The following NUP88 variants were observed in gnomAD, a reference collection of about 807,000 sequenced individuals.
The protein encoded by NUP88 is nuclear pore complex protein Nup88.
Under a neutral mutation model 93.9 loss-of-function variants are expected in NUP88, and 57 were observed. The ratio of observed to expected loss-of-function variants is 0.61; its 90% CI spans 0.49 to 0.76. The LOEUF is 0.76. NUP88 is among the 30% of genes least tolerant of loss of function. The pLI is 0.00. For missense variants in NUP88, 911 were observed against 901.0 expected (o/e 1.01, Z -0.14); for synonymous variants, 346 against 336.8 (o/e 1.03, Z -0.30).
At chr17:5,413,349 CATT>C (rs1913951611) in intron 3 of NUP88, among the ~76,000 whole-genome samples, 1 of 152,198 alleles carries the variant, frequency 6.6e-6, no homozygotes, top group African/African-American at 2.4e-5. Flanking sequence ...TATAAGACAT[CATT>C]AAGGGGTGAG....
At chr17:5,405,036 A>G in intron 6 of NUP88, 21 bp downstream of exon 6, 1 of 1,606,558 alleles carries the variant, frequency 6.2e-7, no homozygotes, top group East Asian at 2.2e-5. Flanking sequence ...GATACAAACA[A>G]CCACAGCAGC....
chr17:5,405,258 AAAAC>A lies in NUP88; in HGVS notation c.858-19_858-16del, dbSNP rs765559159. 1 of 1,606,208 alleles carries A rather than the reference AAAAC, an allele frequency of 6.2e-7. No individual in the cohort carries two copies. The highest frequency in any genetic ancestry group is 2.2e-5 in the East Asian group (1 of 44,686). On this transcript the variant is annotated splice_polypyrimidine_tract_variant and intron_variant, in intron 5 of 16. Transcript: ENST00000573584. Reference sequence around the variant, plus strand: ...TATTTCCAGGGCTAAAGAAGGAGTAAAAACATATTTGGGAAATGTTGACAGTATG... The same window carrying A: ...TATTTCCAGGGCTAAAGAAGGAGTAAATATTTGGGAAATGTTGACAGTATG...
chr17:5,390,869 G>C (rs1020460697), intron 10 of NUP88, among the ~76,000 whole-genome samples: 1 of 151,872 alleles, frequency 6.6e-6, no homozygotes, highest in Non-Finnish European at 1.5e-5. Flanking sequence ...TAATTTTTTT[G>C]TTTTTTGTAG....
intron 7 of NUP88, 29 bp from the exon 8 acceptor site, chr17:5,399,679 G>T: frequency 8.1e-7 from 1 of 1,239,350 alleles, no homozygotes; most frequent in Non-Finnish European, 1.2e-6. Context: ...ATGATACAAA[G>T]GTAGCCAGTG....
intron 10 of NUP88, among the ~76,000 whole-genome samples, chr17:5,389,762 C>G (rs891784867): frequency 3.6e-4 from 39 of 108,214 alleles, no homozygotes; most frequent in Non-Finnish European, 1.0e-4. Flanking sequence ...GGTGACAGAG[C>G]AAGACTCTGT....
At chr17:5,395,006 T>G in intron 8 of NUP88, 25 bp from the exon 9 acceptor site, 1 of 1,341,586 alleles carries the variant, frequency 7.5e-7, no homozygotes, top group East Asian at 2.3e-5. Flanking sequence ...ATTACATAAA[T>G]GAAATGATGC....
rs538425991 is a variant in NUP88 at position 5,412,483 on chromosome 17, G to A, written c.593+1526C>T. Among the ~76,000 whole-genome samples, 21 of 152,248 alleles carry A rather than the reference G, an allele frequency of 1.4e-4. No homozygotes were observed. The South Asian group carries it at 2.5e-3, about 18-fold the overall frequency. On this transcript the variant is annotated intron_variant, in intron 3 of 16. Coordinates refer to ENST00000573584, the MANE Select transcript of NUP88 (RefSeq NM_002532.6). ...CGTATCACGTTCAGTACTATCTACAGTTTCAGGCATTCACTGGGGGGTCTT... is the reference window on the plus strand; with the variant it reads ...CGTATCACGTTCAGTACTATCTACAATTTCAGGCATTCACTGGGGGGTCTT...
At chr17:5,389,015 A>G in intron 10 of NUP88, 55 bp from the exon 11 acceptor site, 2 of 1,342,226 alleles carry the variant, frequency 1.5e-6, no homozygotes. Context: ...ACTGTATTAC[A>G]GGAAAGCAGA....
At chr17:5,394,656 G>C (rs551362972) in intron 9 of NUP88, among the ~76,000 whole-genome samples, 1 of 152,132 alleles carries the variant, frequency 6.6e-6, no homozygotes, top group African/African-American at 2.4e-5. Flanking sequence ...AGCAAGCTGG[G>C]GCTGGGGCTG....
In NUP88 at chr17:5,406,162, G is replaced by A. The variant is rs764071870; in HGVS notation, c.858-919C>T. ...AAGTGCAACAACAGAAGGATTTATG[G>A]TGTACAAAGGAATGACAAAAAGATA... On this transcript the variant is annotated intron_variant, in intron 5 of 16. Transcript: ENST00000573584. Among the ~76,000 whole-genome samples the A allele has an allele frequency of 1.8e-4, 27 of 152,282 alleles. 1 individual carries two copies. The highest frequency in any genetic ancestry group is 1.6e-4 in the Non-Finnish European group (11 of 68,016).
At chr17:5,400,071 A>AGTGT (rs1913048527) in intron 7 of NUP88, among the ~76,000 whole-genome samples, 1 of 49,678 alleles carries the variant, frequency 2.0e-5, no homozygotes, top group South Asian at 1.6e-3. Context: ...ACACAGAGAC[A>AGTGT]GCACGTGCTG....
At chr17:5,402,171 G>T (rs1046297014) in intron 7 of NUP88, among the ~76,000 whole-genome samples, 1 of 152,144 alleles carries the variant, frequency 6.6e-6, no homozygotes, top group African/African-American at 2.4e-5. Context: ...GCCAGGCCTG[G>T]TGGCGCATGA....
intron 10 of NUP88, among the ~76,000 whole-genome samples, chr17:5,390,009 T>C (rs1332665359): frequency 6.6e-6 from 1 of 150,882 alleles, no homozygotes; most frequent in African/African-American, 2.4e-5. Context: ...CTACTAAAAA[T>C]ATAAAAATTA....
chr17:5,401,222 A>C (rs920441282), intron 7 of NUP88, among the ~76,000 whole-genome samples: 2 of 152,158 alleles, frequency 1.3e-5, no homozygotes, highest in African/African-American at 4.8e-5. Context: ...CGTCTCTACT[A>C]AAAATACAAA....
intron 1 of NUP88, among the ~76,000 whole-genome samples, chr17:5,418,494 T>A (rs1320185802): frequency 2.0e-5 from 3 of 152,300 alleles, no homozygotes; most frequent in African/African-American, 7.2e-5. Flanking sequence ...CTTCAGGTGA[T>A]CCACCTGCCT....
At chr17:5,403,984 A>T (rs1026678355) in intron 7 of NUP88, 115 bp downstream of exon 7, 82 of 1,090,372 alleles carry the variant, frequency 7.5e-5, no homozygotes, top group Non-Finnish European at 1.1e-4. Context: ...AAAAAAACCC[A>T]GTCAACTTTT....
At chr17:5,416,072 G>A (rs1259136551) in intron 2 of NUP88, among the ~76,000 whole-genome samples, 1 of 114,236 alleles carries the variant, frequency 8.8e-6, no homozygotes, top group Non-Finnish European at 1.8e-5. Flanking sequence ...TTGAATCCAG[G>A]AGGCGGAGCT....
At chr17:5,404,506 G>A (rs1252818867) in intron 6 of NUP88, among the ~76,000 whole-genome samples, 2 of 151,944 alleles carry the variant, frequency 1.3e-5, no homozygotes, top group African/African-American at 4.8e-5. Flanking sequence ...CCCAGCTACT[G>A]GGGAGGCTGA....
chr17:5,387,930 T>C, intron 11 of NUP88, 26 bp from the exon 12 acceptor site: 1 of 1,601,414 alleles, frequency 6.2e-7, no homozygotes, highest in African/African-American at 1.4e-5. Flanking sequence ...TCTACCTTTA[T>C]TTTCCTTAGC....
Sources: allele counts gnomAD v4.1 joint callset (sites outside exome capture counted in the v4.1 genomes callset), GRCh38; gene constraint gnomAD v4.1.1; transcripts MANE v1.5; gene names NCBI Gene and HGNC (gene_info 2026-07-23, HGNC 2026-07-21).